Variants in GRIK3 observed in about 807,000 individuals in gnomAD.
GRIK3 encodes glutamate ionotropic receptor kainate type subunit 3, also known as glutamate receptor ionotropic, kainate 3.
A neutral mutation model predicts 102.5 loss-of-function variants in GRIK3; 29 were observed. The observed-to-expected ratio is 0.28, with a 90% confidence interval of 0.21 to 0.39. The LOEUF is 0.39. Among genes scored for constraint, GRIK3 ranks in the 10% least tolerant of loss-of-function variants. The pLI, the probability that GRIK3 is intolerant of heterozygous loss-of-function variation, is 1.00. For synonymous variants in GRIK3, 511 were observed against 504.9 expected, an observed-to-expected ratio of 1.01 and a Z score of -0.16; for missense variants, 908 against 1,252.4, an observed-to-expected ratio of 0.73 and a Z score of 4.15.
intron 1 of GRIK3, among the ~76,000 whole-genome samples, chr1:36,912,130 T>C (rs1296679037): frequency 6.6e-6 from 1 of 152,156 alleles, no homozygotes; most frequent in Non-Finnish European, 1.5e-5. Flanking sequence ...CTTTTCCTTC[T>C]TTCTCTGGGT....
chr1:36,834,805 T>A (rs1279923978), intron 10 of GRIK3, among the ~76,000 whole-genome samples: 2 of 152,176 alleles, frequency 1.3e-5, no homozygotes, highest in Non-Finnish European at 2.9e-5. Flanking sequence ...AGCACAGTCC[T>A]GCCAGTGCTC....
chr1:36,887,724 C>T (rs1641055224), intron 2 of GRIK3, among the ~76,000 whole-genome samples: 1 of 147,088 alleles, frequency 6.8e-6, no homozygotes, highest in Non-Finnish European at 1.5e-5. Context: ...CCACTGCACT[C>T]CAGCCTGGGC....
At chr1:36,875,461 C>G (rs776224651) in intron 3 of GRIK3, among the ~76,000 whole-genome samples, 3 of 152,246 alleles carry the variant, frequency 2.0e-5, no homozygotes, top group Non-Finnish European at 4.4e-5. Flanking sequence ...GCAGGGCCCT[C>G]CAATTGGGCT....
At chr1:36,921,336 A>G (rs1641468948) in intron 1 of GRIK3, among the ~76,000 whole-genome samples, 1 of 152,136 alleles carries the variant, frequency 6.6e-6, no homozygotes. Flanking sequence ...TCAGACACAC[A>G]AGCTCCATGT....
At chr1:37,012,268 C>T (rs1044159709) in intron 1 of GRIK3, among the ~76,000 whole-genome samples, 3 of 152,252 alleles carry the variant, frequency 2.0e-5, no homozygotes, top group Non-Finnish European at 2.9e-5. Context: ...GTGTTGGATG[C>T]GAGAAGCACT....
intron 2 of GRIK3, among the ~76,000 whole-genome samples, chr1:36,882,449 A>T (rs914797017): frequency 6.6e-6 from 1 of 152,210 alleles, no homozygotes; most frequent in African/African-American, 2.4e-5. Context: ...GGGACCTCTT[A>T]GAGTCATTCT....
chr1:36,885,151 C>T (rs1438741732), intron 2 of GRIK3, among the ~76,000 whole-genome samples: 1 of 152,054 alleles, frequency 6.6e-6, no homozygotes, highest in Non-Finnish European at 1.5e-5. Flanking sequence ...ATAGTAATGG[C>T]GGGATGGTGA....
At position 36,875,339 on chromosome 1, in the gene GRIK3, G is replaced by A. The variant is rs548132598; in HGVS notation, c.551-2970C>T. Among the ~76,000 whole-genome samples the A allele has an allele frequency of 1.8e-4, 28 of 152,342 alleles. 1 individual carries two copies. The South Asian group carries it at 2.1e-3, about 11-fold the overall frequency. ...ATAGAATAGATAAGGCACAAAGCTC[G>A]TGGGGCAAACACTGGCTGCCTTCTC... is the stretch of plus-strand genomic sequence containing the variant. On this transcript the variant is annotated intron_variant, in intron 3 of 15. Coordinates refer to ENST00000373091, the MANE Select transcript of GRIK3 (RefSeq NM_000831.4).
intron 1 of GRIK3, among the ~76,000 whole-genome samples, chr1:37,022,090 G>A (rs1557466829): frequency 2.0e-5 from 3 of 152,318 alleles, no homozygotes; most frequent in Middle Eastern, 3.4e-3. Flanking sequence ...AATGGCCTCC[G>A]TTGACTGTCT....
At chr1:37,024,558 T>A (rs1321098934) in intron 1 of GRIK3, among the ~76,000 whole-genome samples, 1 of 150,866 alleles carries the variant, frequency 6.6e-6, no homozygotes, top group Non-Finnish European at 1.5e-5. Flanking sequence ...GCCTGGCCAA[T>A]ATGGTGAAAC....
chr1:36,864,576 G>A (rs1313835581), intron 5 of GRIK3, among the ~76,000 whole-genome samples: 1 of 152,092 alleles, frequency 6.6e-6, no homozygotes, highest in Non-Finnish European at 1.5e-5. Flanking sequence ...CTTGGTGGGA[G>A]CTTGGGTGCT....
At chr1:36,881,047 C>T (rs1640971372) in intron 2 of GRIK3, among the ~76,000 whole-genome samples, 156 bp from the exon 3 acceptor site, 1 of 152,144 alleles carries the variant, frequency 6.6e-6, no homozygotes, top group Non-Finnish European at 1.5e-5. Context: ...GTTTCCTCAT[C>T]TGAAAACAGG....
chr1:36,854,536 G>A (rs367837094), intron 7 of GRIK3, among the ~76,000 whole-genome samples: 5 of 152,156 alleles, frequency 3.3e-5, no homozygotes, highest in Admixed American at 6.5e-5. Flanking sequence ...AGGGGTTGGC[G>A]TCCTATGGCT....
chr1:36,820,757 A>C (rs1642687345), intron 11 of GRIK3, among the ~76,000 whole-genome samples: 1 of 152,244 alleles, frequency 6.6e-6, no homozygotes, highest in Non-Finnish European at 1.5e-5. Flanking sequence ...CGGAGAGAAC[A>C]ATGCGTTATA....
chr1:36,850,033 C>A lies in GRIK3; in HGVS notation c.1326+278G>T. ...CAGGTTGCAATGGGCTGTCAAACCC[C>A]CTTAATTCCACCATCCAGCATGGTT... On this transcript the variant is annotated intron_variant, in intron 9 of 15. Coordinates refer to ENST00000373091, the MANE Select transcript of GRIK3 (RefSeq NM_000831.4). The surrounding 1 kb of genome is among the most constrained non-coding windows in gnomAD (Gnocchi z 4.0). The A allele has an allele frequency of 2.7e-6, 1 of 371,068 alleles. No individual in the cohort carries two copies. The highest frequency in any genetic ancestry group is 3.9e-5 in the South Asian group (1 of 25,484). The allele number at this position is 371,068 out of a possible 1,614,324, so 23.0% of individuals were successfully genotyped here.
Position 36,850,150 on chromosome 1 carries a change from G to A in GRIK3, c.1326+161C>T, listed in dbSNP as rs372037585. 2.5e-5 allele frequency: 15 copies of A among 600,912 alleles called. No individual in the cohort carries two copies. The highest frequency in any genetic ancestry group is 1.9e-4 in the East Asian group (7 of 36,062). 37.2% of individuals were successfully genotyped at this position (600,912 alleles called of 1,614,324 possible). ...CCGTGGCAGCGAGCAGCGCTGCTGC[G>A]CTCCAGCTGCTCTCTGAGAACTTCC... On this transcript the variant is annotated intron_variant, in intron 9 of 15. Transcript: ENST00000373091. The surrounding 1 kb of genome is among the most constrained non-coding windows in gnomAD (Gnocchi z 4.0).
chr1:37,018,589 G>T (rs766158450), intron 1 of GRIK3, among the ~76,000 whole-genome samples: 7 of 152,146 alleles, frequency 4.6e-5, no homozygotes, highest in Non-Finnish European at 1.0e-4. Flanking sequence ...GACTAATAAG[G>T]AGAAAGCATT....
intron 1 of GRIK3, among the ~76,000 whole-genome samples, chr1:36,936,997 C>T (rs1003400086): frequency 6.6e-6 from 1 of 152,126 alleles, no homozygotes; most frequent in Non-Finnish European, 1.5e-5. Flanking sequence ...TGATCACAGC[C>T]GGGTGGTCAA....
In GRIK3 at chr1:36,819,611, G is replaced by T. The variant is rs560968248; in HGVS notation, c.1873+125C>A. The T allele has an allele frequency of 1.5e-6, 1 of 648,626 alleles. No individual in the cohort carries two copies. The highest frequency in any genetic ancestry group is 2.7e-5 in the East Asian group (1 of 37,030). 40.2% of individuals were successfully genotyped at this position (648,626 alleles called of 1,614,324 possible). On this transcript the variant is annotated intron_variant, in intron 12 of 15. Coordinates refer to ENST00000373091, the MANE Select transcript of GRIK3 (RefSeq NM_000831.4). This position sits in a 1 kb window ranked among gnomAD's most constrained non-coding sequence, Gnocchi z 4.1. ...GGTATCTCGATGTCTCCAAACTTCT[G>T]CCGGCTCATCAGGGTCTGAGGCTAC...
Sources: allele counts gnomAD v4.1 joint callset (sites outside exome capture counted in the v4.1 genomes callset), GRCh38; gene constraint gnomAD v4.1.1; non-coding constraint Gnocchi (gnomAD v3.1); transcripts MANE v1.5; gene names NCBI Gene and HGNC (gene_info 2026-07-23, HGNC 2026-07-21).